FANCM: variants seen among roughly 807,000 people sequenced by gnomAD.
The protein encoded by FANCM is FA complementation group M, also known as Fanconi anemia group M protein.
FANCM carries 140 observed loss-of-function variants against 199.5 expected under a neutral mutation model. That is an observed-to-expected ratio of 0.70 (90% CI 0.61 to 0.81). FANCM has a LOEUF of 0.81. Ranked by LOEUF, FANCM falls within the 30% of genes least tolerant of loss-of-function variation. FANCM has a pLI of 0.00. For missense variants in FANCM, 2,410 were observed against 2,421.4 expected, an observed-to-expected ratio of 1.00 and a Z score of 0.10; for synonymous variants, 840 against 836.8, an observed-to-expected ratio of 1.00 and a Z score of -0.07.
At chr14:45,151,310 A>G in intron 4 of FANCM, 87 bp from the exon 5 acceptor site, 1 of 1,069,674 alleles carries the variant, frequency 9.3e-7, no homozygotes, top group Non-Finnish European at 1.4e-6. Flanking sequence ...TTAAATATAT[A>G]ATTCCTATTT....
Position 45,185,237 on chromosome 14 carries a change from A to G in FANCM, c.4536A>G (p.Leu1512=), listed in dbSNP as rs1340500564. 1.9e-6 allele frequency: 3 copies of G among 1,602,232 alleles called. No individual in the cohort carries two copies. Among genetic ancestry groups the G allele is most frequent in the African/African-American group, 2.7e-5 (2 of 74,490 alleles). ...CTTAGCATGTAGCTAGGAAGTTTTTAGATGATGAAGCAGAACTTTCTGAAG... is the reference window on the plus strand; with the variant it reads ...CTTAGCATGTAGCTAGGAAGTTTTTGGATGATGAAGCAGAACTTTCTGAAG... ...SHLKHVARKF[L]DDEAELSEED... is the part of the protein sequence containing the mutation. The change falls in exon 18 of 23, where the codon TTA becomes TTG. Residue 1512 remains leucine, a synonymous_variant. Transcript: ENST00000267430.
chr14:45,156,825 G>A (rs1594775169), intron 8 of FANCM, among the ~76,000 whole-genome samples: 1 of 151,030 alleles, frequency 6.6e-6, no homozygotes, highest in Admixed American at 6.6e-5. Context: ...GGCTGAGGCA[G>A]GAGAATCTCT....
chr14:45,172,904 T>A (rs2139234006), intron 12 of FANCM, 151 bp from the exon 13 acceptor site: 2 of 628,426 alleles, frequency 3.2e-6, no homozygotes, highest in East Asian at 5.5e-5. Context: ...ATGAAATTAT[T>A]TTCTTTTTTT....
In FANCM at chr14:45,183,757, T is replaced by G; in HGVS notation, c.4387-17T>G. 6.3e-7 allele frequency: 1 copy of G among 1,594,092 alleles called. No homozygotes were observed. The highest frequency in any genetic ancestry group is 8.6e-7 in the Non-Finnish European group (1 of 1,163,530). On this transcript the variant is annotated splice_polypyrimidine_tract_variant and intron_variant, in intron 16 of 22. Coordinates refer to ENST00000267430, the MANE Select transcript of FANCM (RefSeq NM_020937.4). ...AATATTTTTTTCTTATGCAAGAATT[T>G]TGTCGAATTATTATAGTCAGAATTA... is the stretch of plus-strand genomic sequence containing the variant.
intron 20 of FANCM, among the ~76,000 whole-genome samples, chr14:45,190,687 C>T (rs1219836146): frequency 6.6e-6 from 1 of 151,788 alleles, no homozygotes; most frequent in Non-Finnish European, 1.5e-5. Context: ...ACACAATGGT[C>T]CTCATATTTG....
chr14:45,143,057 A>G (rs1886088303), intron 3 of FANCM, among the ~76,000 whole-genome samples: 2 of 151,148 alleles, frequency 1.3e-5, no homozygotes, highest in South Asian at 2.1e-4. Context: ...TGCAATAAAG[A>G]TTTTTTTTCC....
chr14:45,161,337 C>T (rs946703147), intron 9 of FANCM, among the ~76,000 whole-genome samples: 4 of 152,086 alleles, frequency 2.6e-5, no homozygotes, highest in South Asian at 4.1e-4. Context: ...TTTAGAAACA[C>T]GATATTAAGT....
Position 45,170,531 on chromosome 14 carries a change from T to G in FANCM, c.2003-58T>G. On this transcript the variant is annotated intron_variant, in intron 11 of 22. Coordinates refer to ENST00000267430, the MANE Select transcript of FANCM (RefSeq NM_020937.4). ...ACAGAGTTTGAATGGATATTGTGGG[T>G]TTTTTTGCTTTGCAGATTTTTAAAA... The G allele has an allele frequency of 3.9e-6, 5 of 1,292,944 alleles. No homozygotes were observed. In the East Asian group the frequency reaches 9.6e-5, roughly 25 times the overall value. The allele number at this position is 1,292,944 out of a possible 1,614,324, so 80.1% of individuals were successfully genotyped here.
chr14:45,187,475 C>G (rs547200363), intron 18 of FANCM, among the ~76,000 whole-genome samples: 276 of 151,932 alleles, frequency 1.8e-3, no homozygotes, highest in Middle Eastern at 6.8e-3. Context: ...GTTTTAAGGT[C>G]TTTGTATACC....
chr14:45,196,533 A>G lies in FANCM; in HGVS notation c.5702A>G (p.Asp1901Gly), dbSNP rs1164461453. ...AGAATATGTGTGATTGTGGAAAAGG[A>G]CAGAGAAAAAACAGGTTTGTATTTT... ...FERICVIVEK[D>G]REKTGDTSRM... is the part of the protein sequence containing the mutation. The change falls in exon 21 of 23, where the codon GAC becomes GGC. Residue 1901 changes from aspartate (D) to glycine (G), a missense_variant. Transcript: ENST00000267430. The G allele has an allele frequency of 1.2e-6, 2 of 1,613,660 alleles. No individual in the cohort carries two copies. The highest frequency in any genetic ancestry group is 1.7e-5 in the Admixed American group (1 of 60,012).
At position 45,136,415 on chromosome 14, in the gene FANCM, C is replaced by T; in HGVS notation, c.384C>T (p.Phe128=). 8 of 1,614,218 alleles carry T rather than the reference C, an allele frequency of 5.0e-6. No individual in the cohort carries two copies. Among genetic ancestry groups the T allele is most frequent in the Non-Finnish European group, 6.8e-6 (8 of 1,180,038 alleles). Residue 128 remains phenylalanine (F), a synonymous_variant, in exon 1 of 23, where the codon TTC becomes TTT. Transcript: ENST00000267430. The part of the protein sequence containing the change: ...TFIAAVVMYN[F]YRWFPSGKVV... ...TTGCCGCCGTGGTCATGTACAATTT[C>T]TACCGCTGGTTCCCTTCAGGAAAGG...
chr14:45,147,422 C>T (rs1044917992), intron 3 of FANCM, among the ~76,000 whole-genome samples: 3 of 151,944 alleles, frequency 2.0e-5, no homozygotes, highest in African/African-American at 7.3e-5. Context: ...AGTGATACTT[C>T]AGCAGGTGCT....
chr14:45,175,835 G>C lies in FANCM; in HGVS notation c.3081G>C (p.Glu1027Asp), dbSNP rs770803476. The change falls in exon 14 of 23, where the codon GAG becomes GAC. Residue 1027 changes from glutamate to aspartate, a missense_variant. Transcript: ENST00000267430. The part of the protein sequence containing the change: ...LENLLFLPCA[E>D]HLRSDKCTCL... ...ATTTGCTTTTCTTACCCTGTGCAGAGCATTTACGAAGTGATAAATGCACCT... is the reference window on the plus strand; with the variant it reads ...ATTTGCTTTTCTTACCCTGTGCAGACCATTTACGAAGTGATAAATGCACCT... 1.2e-6 allele frequency: 2 copies of C among 1,613,784 alleles called. No individual in the cohort carries two copies. Among genetic ancestry groups the C allele is most frequent in the African/African-American group, 2.7e-5 (2 of 74,898 alleles).
At chr14:45,156,941 A>G (rs937029446) in intron 8 of FANCM, among the ~76,000 whole-genome samples, 4 of 149,674 alleles carry the variant, frequency 2.7e-5, no homozygotes, top group African/African-American at 7.5e-5. Flanking sequence ...AAAAAAAAGG[A>G]AAAAAGGAAT....
intron 9 of FANCM, 136 bp from the exon 10 acceptor site, chr14:45,164,223 G>A: frequency 1.4e-6 from 1 of 733,174 alleles, no homozygotes; most frequent in East Asian, 2.7e-5. Flanking sequence ...GACATTACAG[G>A]CATGAGCTGT....
At chr14:45,138,284 GA>G (rs748837843) in intron 2 of FANCM, among the ~76,000 whole-genome samples, 1 of 152,078 alleles carries the variant, frequency 6.6e-6, no homozygotes, top group Non-Finnish European at 1.5e-5. Flanking sequence ...GAAAGGTAGG[GA>G]AAGTTAATTT....
At position 45,155,443 on chromosome 14, in the gene FANCM, CT is replaced by C; in HGVS notation, c.1382del (p.Phe461SerfsTer20). The C allele has an allele frequency of 6.7e-7, 1 of 1,483,648 alleles. No homozygotes were observed. The highest frequency in any genetic ancestry group is 9.4e-7 in the Non-Finnish European group (1 of 1,062,636). 91.9% of individuals were successfully genotyped at this position (1,483,648 alleles called of 1,614,324 possible). ...AATTAGAAGAAGTTGTAATTGAACA[CT>C]TCAAGTCATGGAATGGTAGGTCATA... ...KKLEEVVIEH[F>X]KSWNAENTTE... On this transcript the variant is annotated frameshift_variant, in exon 8 of 23. Transcript: ENST00000267430. LOFTEE classifies it high-confidence loss of function.
At chr14:45,171,872 C>G (rs1354171362) in intron 12 of FANCM, among the ~76,000 whole-genome samples, 1 of 152,022 alleles carries the variant, frequency 6.6e-6, no homozygotes, top group East Asian at 1.9e-4. Context: ...GGATTAGATA[C>G]CCAGTAGTGG....
chr14:45,186,659 T>C (rs1889420626), intron 18 of FANCM, among the ~76,000 whole-genome samples: 1 of 152,232 alleles, frequency 6.6e-6, no homozygotes, highest in Admixed American at 6.5e-5. Context: ...TCCTTGATGT[T>C]CATTAACAGA....
Sources: allele counts gnomAD v4.1 joint callset (sites outside exome capture counted in the v4.1 genomes callset), GRCh38; gene constraint gnomAD v4.1.1; transcripts MANE v1.5; gene names NCBI Gene and HGNC (gene_info 2026-07-23, HGNC 2026-07-21).